Variants in NBAS observed in about 807,000 individuals in gnomAD.
NBAS encodes the protein NAG/BC035112 fusion.
A neutral mutation model predicts 302.5 loss-of-function variants in NBAS; 219 were observed. That is an observed-to-expected ratio of 0.72 (90% confidence interval 0.65 to 0.81). The LOEUF (loss-of-function observed/expected upper bound fraction) is 0.81. NBAS is among the 30% of genes least tolerant of loss of function. The pLI, the probability that NBAS is intolerant of heterozygous loss-of-function variation, is 0.00. For synonymous variants in NBAS, 1,118 were observed against 1,021.6 expected, an observed-to-expected ratio of 1.09 and a Z score of -1.80; for missense variants, 2,932 against 2,841.6, an observed-to-expected ratio of 1.03 and a Z score of -0.72.
the NBAS span, among the ~76,000 whole-genome samples, chr2:14,798,465 G>T: frequency 6.6e-6 from 1 of 152,086 alleles, no homozygotes; most frequent in Admixed American, 6.6e-5. Flanking sequence ...AATATATGTT[G>T]TCAGATTCAA....
intron 19 of NBAS, among the ~76,000 whole-genome samples, chr2:15,462,489 A>T (rs1679548629): frequency 6.6e-6 from 1 of 152,194 alleles, no homozygotes; most frequent in African/African-American, 2.4e-5. Flanking sequence ...CATGTTTAAT[A>T]CTGAATCCCA....
chr2:15,366,915 T>C (rs1181281850), intron 31 of NBAS, among the ~76,000 whole-genome samples: 1 of 152,186 alleles, frequency 6.6e-6, no homozygotes, highest in Non-Finnish European at 1.5e-5. Context: ...ACCAAACTTC[T>C]GAAGCACAGG....
the NBAS span, among the ~76,000 whole-genome samples, chr2:14,964,476 T>C: frequency 4.6e-5 from 7 of 152,182 alleles, no homozygotes; most frequent in African/African-American, 1.4e-4. Context: ...AAAGGATCAA[T>C]TCATGAAGAG....
At chr2:14,798,796 T>C in the NBAS span, among the ~76,000 whole-genome samples, 1 of 152,100 alleles carries the variant, frequency 6.6e-6, no homozygotes. Context: ...CTGAATGAGA[T>C]GGTAATTTGT....
intron 11 of NBAS, among the ~76,000 whole-genome samples, chr2:15,491,572 T>C (rs770964399): frequency 2.6e-5 from 4 of 151,920 alleles, no homozygotes; most frequent in Non-Finnish European, 4.4e-5. Context: ...CCGTCTCTAC[T>C]AAAAACACAA....
the NBAS span, among the ~76,000 whole-genome samples, chr2:14,918,343 G>T: frequency 6.6e-6 from 1 of 150,696 alleles, no homozygotes; most frequent in South Asian, 2.1e-4. Context: ...ATGTAATGGT[G>T]TTTTCATCTT....
intron 19 of NBAS, 49 bp downstream of exon 19, chr2:15,467,280 A>G (rs1039317268): frequency 1.5e-5 from 19 of 1,302,058 alleles, no homozygotes; most frequent in Non-Finnish European, 2.1e-5. Flanking sequence ...TAGCATTTAT[A>G]ATGACAGATC....
intron 51 of NBAS, among the ~76,000 whole-genome samples, chr2:15,172,044 T>C (rs1664321585): frequency 6.6e-6 from 1 of 152,220 alleles, no homozygotes; most frequent in Non-Finnish European, 1.5e-5. Context: ...GAAACATTTT[T>C]TTGGTTCTAA....
At chr2:15,560,200 G>A (rs562650101) in intron 1 of NBAS, among the ~76,000 whole-genome samples, 13 of 152,090 alleles carry the variant, frequency 8.5e-5, no homozygotes, top group Non-Finnish European at 1.5e-4. Flanking sequence ...TAACTGGCAC[G>A]TGTTAAGCAC....
At chr2:15,448,633 G>A (rs1464949518) in intron 21 of NBAS, among the ~76,000 whole-genome samples, 1 of 151,906 alleles carries the variant, frequency 6.6e-6, no homozygotes, top group Non-Finnish European at 1.5e-5. Context: ...TTTTTTCACA[G>A]TTCCTATTAC....
chr2:15,173,354 G>C (rs961047086), intron 51 of NBAS, among the ~76,000 whole-genome samples: 6 of 152,126 alleles, frequency 3.9e-5, no homozygotes, highest in Admixed American at 2.0e-4. Context: ...TTACAATAAT[G>C]AGGAAAGCTG....
chr2:14,831,103 A>G, the NBAS span, among the ~76,000 whole-genome samples: 4 of 152,300 alleles, frequency 2.6e-5, no homozygotes, highest in African/African-American at 9.6e-5. Flanking sequence ...TTTGTGCCAC[A>G]TGGGGAAAAC....
intron 42 of NBAS, among the ~76,000 whole-genome samples, chr2:15,282,447 A>G (rs1669865876): frequency 6.6e-6 from 1 of 152,210 alleles, no homozygotes; most frequent in African/African-American, 2.4e-5. Context: ...CTCTCCTCAG[A>G]TAGACCTTGT....
chr2:14,838,475 T>G, the NBAS span, among the ~76,000 whole-genome samples: 1 of 152,048 alleles, frequency 6.6e-6, no homozygotes, highest in Non-Finnish European at 1.5e-5. Flanking sequence ...AACTTTTATC[T>G]GGTTATATAT....
chr2:15,035,116 G>GT, the NBAS span, among the ~76,000 whole-genome samples: 11,400 of 138,740 alleles, frequency 0.082, 492 homozygotes, highest in African/African-American at 0.11. Context: ...GGAGTGTGGG[G>GT]TTTTTTTTTT....
chr2:15,296,050 A>C (rs1670535986), intron 40 of NBAS, among the ~76,000 whole-genome samples: 1 of 152,220 alleles, frequency 6.6e-6, no homozygotes, highest in African/African-American at 2.4e-5. Context: ...TGTACACATA[A>C]ACAATTCACA....
chr2:14,803,506 C>A, the NBAS span, among the ~76,000 whole-genome samples: 1 of 152,178 alleles, frequency 6.6e-6, no homozygotes, highest in African/African-American at 2.4e-5. Context: ...ATTTTGGAAA[C>A]CTTTCCCCAG....
At chr2:15,357,940 T>G (rs58996962) in intron 32 of NBAS, among the ~76,000 whole-genome samples, 3,341 of 152,262 alleles carry the variant, frequency 0.022, 128 homozygotes, top group African/African-American at 0.075. Flanking sequence ...GCCATTCTTC[T>G]GTGCTCTCAT....
chr2:15,468,714 C>T (rs1184593096), intron 16 of NBAS, among the ~76,000 whole-genome samples, 181 bp from the exon 17 acceptor site: 1 of 152,186 alleles, frequency 6.6e-6, no homozygotes, highest in East Asian at 1.9e-4. Context: ...GTGACTACAA[C>T]TGGATGCGGG....
Sources: gnomAD v4.1 joint callset for allele counts (sites outside exome capture counted in the v4.1 genomes callset) on GRCh38, gnomAD v4.1.1 for gene constraint, MANE v1.5 for transcripts, NCBI Gene and HGNC (gene_info 2026-07-23, HGNC 2026-07-21) for gene names.